RBPJ: variants seen among roughly 807,000 people sequenced by gnomAD.
RBPJ encodes the protein recombining binding protein suppressor of hairless.
Under a neutral mutation model 67.8 loss-of-function variants are expected in RBPJ, and 9 were observed. The ratio of observed to expected loss-of-function variants is 0.13; its 90% confidence interval spans 0.08 to 0.23. The LOEUF is 0.23. RBPJ is among the 10% of genes least tolerant of loss of function. The probability of loss-of-function intolerance (pLI) is 1.00; values close to 1 mark genes in which losing one functional copy is unlikely to be tolerated. For missense variants in RBPJ, 305 were observed against 595.6 expected, an observed-to-expected ratio of 0.51 and a Z score of 5.08; for synonymous variants, 198 against 203.3, an observed-to-expected ratio of 0.97 and a Z score of 0.22.
rs71932374 is a variant in RBPJ, at chr4:26,295,245, A to AGTGTGT, written c.-166-67181_-166-67176dup. Among the ~76,000 whole-genome samples, 767 of 147,122 alleles carry AGTGTGT rather than the reference A, an allele frequency of 5.2e-3. 5 individuals are homozygous for AGTGTGT. Among genetic ancestry groups the AGTGTGT allele is most frequent in the African/African-American group, 0.018 (716 of 40,174 alleles). On this transcript the variant is annotated intron_variant, in intron 1 of 4. Coordinates refer to the RBPJ transcript ENST00000512351. ...GTTGTCCAGGAAGAAAGGGTGCATC[A>AGTGTGT]GTGTGTGTGTGTGTGTGTGTGTGTG...
intron 1 of RBPJ, among the ~76,000 whole-genome samples, chr4:26,193,847 T>A (rs1473325151): frequency 6.6e-6 from 1 of 152,112 alleles, no homozygotes; most frequent in Non-Finnish European, 1.5e-5. Context: ...GAGCCTGCAA[T>A]ACCTGGCCCC....
chr4:26,185,788 G>A (rs572074684), intron 1 of RBPJ, among the ~76,000 whole-genome samples: 7 of 152,288 alleles, frequency 4.6e-5, no homozygotes, highest in East Asian at 1.9e-4. Flanking sequence ...GGCCGGGCAC[G>A]GTGGCTCACA....
intron 1 of RBPJ, among the ~76,000 whole-genome samples, chr4:26,263,651 A>G (rs1382353839): frequency 6.6e-6 from 1 of 152,108 alleles, no homozygotes; most frequent in Non-Finnish European, 1.5e-5. Context: ...TGCTCACTGC[A>G]ACCTCCACTT....
intron 1 of RBPJ, among the ~76,000 whole-genome samples, chr4:26,246,800 A>AG (rs1313594729): frequency 6.6e-6 from 1 of 152,070 alleles, no homozygotes; most frequent in Non-Finnish European, 1.5e-5. Context: ...GACTAAATGG[A>AG]GGGAAAAAAA....
At chr4:26,127,794 C>T in the RBPJ span, among the ~76,000 whole-genome samples, 2 of 152,196 alleles carry the variant, frequency 1.3e-5, no homozygotes, top group Admixed American at 6.5e-5. Flanking sequence ...TACACAGAGA[C>T]ATGAGATAAA....
chr4:26,241,690 T>C (rs148687347), intron 1 of RBPJ, among the ~76,000 whole-genome samples: 1 of 152,060 alleles, frequency 6.6e-6, no homozygotes, highest in African/African-American at 2.4e-5. Flanking sequence ...TTTTTCTATT[T>C]TAGTAGAGGC....
the RBPJ span, among the ~76,000 whole-genome samples, chr4:26,118,153 G>A: frequency 1.4e-4 from 21 of 152,040 alleles, no homozygotes; most frequent in African/African-American, 3.1e-4. Flanking sequence ...TATATTTACT[G>A]ACTGCCCACA....
At chr4:26,214,461 TGAAAGAGAA>T (rs1718553040) in intron 1 of RBPJ, among the ~76,000 whole-genome samples, 1 of 87,846 alleles carries the variant, frequency 1.1e-5, no homozygotes, top group Non-Finnish European at 2.1e-5. Context: ...AAAGAAAGAA[TGAAAGAGAA>T]GAAAGAGAAA....
chr4:26,231,350 C>T (rs1180550574), intron 1 of RBPJ, among the ~76,000 whole-genome samples: 1 of 151,908 alleles, frequency 6.6e-6, no homozygotes, highest in Non-Finnish European at 1.5e-5. Context: ...AAATCTAGAA[C>T]ATATGATCCA....
intron 1 of RBPJ, among the ~76,000 whole-genome samples, chr4:26,347,217 A>AGTT (rs1439324504): frequency 6.6e-6 from 1 of 152,114 alleles, no homozygotes; most frequent in Non-Finnish European, 1.5e-5. Flanking sequence ...TCCAGTGGCC[A>AGTT]GTTATACGTG....
At chr4:26,199,288 C>CA (rs1240089359) in intron 1 of RBPJ, among the ~76,000 whole-genome samples, 1 of 152,086 alleles carries the variant, frequency 6.6e-6, no homozygotes, top group African/African-American at 2.4e-5. Context: ...TACTAAAATA[C>CA]AAAAAATTAG....
chr4:26,382,119 C>G (rs1300264125), intron 1 of RBPJ, among the ~76,000 whole-genome samples: 4 of 152,016 alleles, frequency 2.6e-5, no homozygotes, highest in African/African-American at 9.7e-5. Context: ...CATGATTGGT[C>G]CAACTTATTT....
chr4:26,249,425 T>G (rs1720025636), intron 1 of RBPJ, among the ~76,000 whole-genome samples: 1 of 152,148 alleles, frequency 6.6e-6, no homozygotes, highest in Admixed American at 6.5e-5. Context: ...TTTATGAGGC[T>G]GAGGCAGGCA....
intron 1 of RBPJ, among the ~76,000 whole-genome samples, chr4:26,305,554 A>T (rs6844659): frequency 0.67 from 101,598 of 151,942 alleles, 34,278 homozygotes; most frequent in African/African-American, 0.75. Context: ...AAAAATTTAT[A>T]CCTAAGTACT....
intron 4 of RBPJ, among the ~76,000 whole-genome samples, chr4:26,416,125 A>G (rs1734563068): frequency 6.6e-6 from 1 of 152,218 alleles, no homozygotes; most frequent in South Asian, 2.1e-4. Context: ...ACTGTAGACA[A>G]GAACAGCCAC....
the RBPJ span, among the ~76,000 whole-genome samples, chr4:26,157,678 G>T: frequency 0.012 from 1,893 of 152,224 alleles, 42 homozygotes; most frequent in African/African-American, 0.043. Context: ...CCATTAGGAT[G>T]GTTTATTTCT....
At chr4:26,141,534 G>A in the RBPJ span, among the ~76,000 whole-genome samples, 1 of 152,160 alleles carries the variant, frequency 6.6e-6, no homozygotes, top group Non-Finnish European at 1.5e-5. Flanking sequence ...ACACATAATT[G>A]CACATATTTA....
intron 1 of RBPJ, among the ~76,000 whole-genome samples, chr4:26,276,524 T>C (rs1415079351): frequency 6.6e-6 from 1 of 152,182 alleles, no homozygotes; most frequent in East Asian, 1.9e-4. Flanking sequence ...CAGAAATCTA[T>C]TGAAATGCAA....
At chr4:26,321,937 C>G (rs1723124435) in intron 1 of RBPJ, 1 of 152,214 alleles carries the variant, frequency 6.6e-6, no homozygotes, top group Non-Finnish European at 1.5e-5. Context: ...ACCTCTTTTT[C>G]TCGGGATTTC....
Sources: allele counts gnomAD v4.1 joint callset (sites outside exome capture counted in the v4.1 genomes callset), GRCh38; gene constraint gnomAD v4.1.1; transcripts MANE v1.5; gene names NCBI Gene and HGNC (gene_info 2026-07-23, HGNC 2026-07-21).